SYNDIG1: variants seen among roughly 807,000 people sequenced by gnomAD.
The protein encoded by SYNDIG1 is synapse differentiation inducing 1.
Under a neutral mutation model 19.4 loss-of-function variants are expected in SYNDIG1, and 9 were observed. The observed-to-expected ratio is 0.46, with a 90% CI of 0.28 to 0.81. The LOEUF (loss-of-function observed/expected upper bound fraction) is 0.81, where lower values mean the gene tolerates loss of function less well. Ranked by LOEUF, SYNDIG1 falls within the 30% of genes least tolerant of loss-of-function variation. SYNDIG1 has a pLI of 0.12. For synonymous variants in SYNDIG1, 141 were observed against 145.9 expected (o/e 0.97, Z 0.24); for missense variants, 311 against 343.3 (o/e 0.91, Z 0.74).
intron 1 of SYNDIG1, among the ~76,000 whole-genome samples, chr20:24,523,086 C>T (rs1360742345): frequency 6.6e-6 from 1 of 152,136 alleles, no homozygotes; most frequent in Non-Finnish European, 1.5e-5. Context: ...TTGGCTGTGT[C>T]TTCAATTGTA....
chr20:24,475,255 G>A (rs1300601331), intron 1 of SYNDIG1, among the ~76,000 whole-genome samples: 1 of 152,226 alleles, frequency 6.6e-6, no homozygotes, highest in Non-Finnish European at 1.5e-5. Context: ...ATGCTGGGGA[G>A]TGGCCTGAGG....
intron 2 of SYNDIG1, among the ~76,000 whole-genome samples, chr20:24,555,548 T>G (rs1372154582): frequency 2.0e-5 from 3 of 152,234 alleles, no homozygotes; most frequent in Admixed American, 1.3e-4. Context: ...ATTTCTGCCT[T>G]CATTTCATTA....
At chr20:24,481,162 TG>T (rs2055786125) in intron 1 of SYNDIG1, among the ~76,000 whole-genome samples, 1 of 152,182 alleles carries the variant, frequency 6.6e-6, no homozygotes, top group South Asian at 2.1e-4. Context: ...TAATTGGAAA[TG>T]TAAGATTCTA....
chr20:24,632,226 G>A (rs548759869), intron 3 of SYNDIG1, among the ~76,000 whole-genome samples: 25 of 152,284 alleles, frequency 1.6e-4, no homozygotes, highest in African/African-American at 5.5e-4. Context: ...GATTTCACAC[G>A]TAATTTACTT....
chr20:24,621,457 C>T (rs1286114861), intron 3 of SYNDIG1, among the ~76,000 whole-genome samples: 1 of 152,210 alleles, frequency 6.6e-6, no homozygotes, highest in East Asian at 1.9e-4. Context: ...TACTGAATTT[C>T]TAAGTTTACA....
At chr20:24,629,272 C>A (rs73345386) in intron 3 of SYNDIG1, among the ~76,000 whole-genome samples, 1 of 152,262 alleles carries the variant, frequency 6.6e-6, no homozygotes, top group African/African-American at 2.4e-5. Context: ...AACAGTGAGG[C>A]GAGTGTGCCT....
intron 3 of SYNDIG1, among the ~76,000 whole-genome samples, chr20:24,650,311 C>T (rs557829698): frequency 2.0e-5 from 3 of 152,342 alleles, no homozygotes; most frequent in African/African-American, 4.8e-5. Context: ...GGAGGCACCA[C>T]GTTTATAAAC....
intron 1 of SYNDIG1, among the ~76,000 whole-genome samples, chr20:24,519,278 G>A (rs1304147372): frequency 6.6e-6 from 1 of 152,158 alleles, no homozygotes; most frequent in Non-Finnish European, 1.5e-5. Context: ...TGAACCTTTT[G>A]TAATAAAGAA....
intron 3 of SYNDIG1, among the ~76,000 whole-genome samples, chr20:24,610,647 T>C (rs1377881225): frequency 6.6e-6 from 1 of 152,228 alleles, no homozygotes. Context: ...GGACACAATT[T>C]ATTATGCATG....
intron 2 of SYNDIG1, among the ~76,000 whole-genome samples, chr20:24,570,069 A>G (rs1042180409): frequency 6.6e-6 from 1 of 152,230 alleles, no homozygotes; most frequent in Admixed American, 6.5e-5. Flanking sequence ...ATTGTATTTT[A>G]TAATGTTATA....
chr20:24,631,776 T>C (rs2059247927), intron 3 of SYNDIG1, among the ~76,000 whole-genome samples: 1 of 152,220 alleles, frequency 6.6e-6, no homozygotes, highest in Non-Finnish European at 1.5e-5. Flanking sequence ...ATAATAAGTA[T>C]ATACACTTCT....
intron 1 of SYNDIG1, among the ~76,000 whole-genome samples, chr20:24,476,811 C>T (rs6049717): frequency 6.6e-6 from 1 of 152,172 alleles, no homozygotes; most frequent in East Asian, 1.9e-4. Flanking sequence ...ACCCTGCAGC[C>T]TGCAGCACAG....
At chr20:24,474,223 A>G (rs1432654026) in intron 1 of SYNDIG1, among the ~76,000 whole-genome samples, 1 of 152,248 alleles carries the variant, frequency 6.6e-6, no homozygotes, top group Admixed American at 6.5e-5. Context: ...CAGATTACCA[A>G]CAGACCACCA....
At chr20:24,526,606 T>G (rs979634137) in intron 1 of SYNDIG1, among the ~76,000 whole-genome samples, 7 of 152,316 alleles carry the variant, frequency 4.6e-5, no homozygotes, top group South Asian at 2.1e-4. Flanking sequence ...TAGATAGATA[T>G]ATAATCAATG....
chr20:24,571,897 C>T (rs1463127887), intron 2 of SYNDIG1, among the ~76,000 whole-genome samples: 1 of 152,206 alleles, frequency 6.6e-6, no homozygotes, highest in Non-Finnish European at 1.5e-5. Context: ...GCTCCTTCTT[C>T]AAGAGAGGAC....
chr20:24,549,121 T>C (rs568436205), intron 2 of SYNDIG1, among the ~76,000 whole-genome samples: 2 of 152,204 alleles, frequency 1.3e-5, no homozygotes, highest in African/African-American at 4.8e-5. Context: ...TATATTATTT[T>C]TCAACTGTTT....
intron 3 of SYNDIG1, among the ~76,000 whole-genome samples, chr20:24,660,581 G>A (rs566279834): frequency 6.6e-6 from 1 of 152,354 alleles, no homozygotes; most frequent in East Asian, 1.9e-4. Flanking sequence ...CGGTTGGCAG[G>A]AGCAGATAGG....
chr20:24,533,941 G>T (rs961165039), intron 1 of SYNDIG1, among the ~76,000 whole-genome samples: 12 of 152,180 alleles, frequency 7.9e-5, no homozygotes, highest in Non-Finnish European at 1.3e-4. Context: ...TGGGCTTACG[G>T]TTCTGCAGGC....
At chr20:24,538,564 G>A (rs1047112635) in intron 1 of SYNDIG1, among the ~76,000 whole-genome samples, 6 of 152,114 alleles carry the variant, frequency 3.9e-5, no homozygotes, top group African/African-American at 1.4e-4. Context: ...TATGAACATG[G>A]CATGCAAGTA....
Sources: allele counts gnomAD v4.1 joint callset (sites outside exome capture counted in the v4.1 genomes callset), GRCh38; gene constraint gnomAD v4.1.1; transcripts MANE v1.5; gene names NCBI Gene and HGNC (gene_info 2026-07-23, HGNC 2026-07-21).